GNG7: variants seen among roughly 807,000 people sequenced by gnomAD.
The protein encoded by GNG7 is G protein subunit gamma 7.
A neutral mutation model predicts 4.0 loss-of-function variants in GNG7; 1 was observed. The ratio of observed to expected loss-of-function variants is 0.25; its 90% confidence interval spans 0.09 to 1.18. The LOEUF is 1.18. Among genes scored for constraint, GNG7 ranks in the 50% most tolerant of loss-of-function variants. GNG7 has a pLI of 0.50. For synonymous variants in GNG7, 34 were observed against 36.9 expected, an observed-to-expected ratio of 0.92 and a Z score of 0.29; for missense variants, 86 against 91.9, an observed-to-expected ratio of 0.94 and a Z score of 0.26.
chr19:2,571,501 G>A (rs1034656229), intron 2 of GNG7, among the ~76,000 whole-genome samples: 2 of 151,942 alleles, frequency 1.3e-5, no homozygotes, highest in East Asian at 1.9e-4. Context: ...GATGGGTAGC[G>A]TGCAGGGGTG....
At chr19:2,649,926 G>A (rs1982766088) in intron 1 of GNG7, among the ~76,000 whole-genome samples, 1 of 151,314 alleles carries the variant, frequency 6.6e-6, no homozygotes. Flanking sequence ...GGTCTGTCCT[G>A]GACATTTCAT....
chr19:2,518,483 C>T (rs567166534), intron 4 of GNG7, among the ~76,000 whole-genome samples: 7 of 152,334 alleles, frequency 4.6e-5, no homozygotes, highest in African/African-American at 9.6e-5. Flanking sequence ...GACCCCTCCC[C>T]TACTGGTTGG....
intron 3 of GNG7, among the ~76,000 whole-genome samples, chr19:2,539,895 T>TCCTCCTTCCCTCCCTC (rs1555692012): frequency 0.05 from 6,582 of 132,234 alleles, 224 homozygotes; most frequent in Non-Finnish European, 0.074. Flanking sequence ...CTTCCTTCCT[T>TCCTCCTTCCCTCCCTC]CCTCCTTCCC....
At chr19:2,652,398 T>C (rs1477031877) in intron 1 of GNG7, among the ~76,000 whole-genome samples, 8 of 151,810 alleles carry the variant, frequency 5.3e-5, no homozygotes, top group African/African-American at 1.9e-4. Flanking sequence ...GGCGGGTAAA[T>C]CACCTGAGGT....
At chr19:2,699,115 C>T (rs1360701976) in intron 1 of GNG7, among the ~76,000 whole-genome samples, 2 of 151,560 alleles carry the variant, frequency 1.3e-5, no homozygotes, top group African/African-American at 2.4e-5. Context: ...TGTTCAAAAG[C>T]CACATAAAAG....
chr19:2,651,265 CTT>C, intron 1 of GNG7, among the ~76,000 whole-genome samples: 2 of 128,368 alleles, frequency 1.6e-5, no homozygotes, highest in African/African-American at 3.1e-5. Flanking sequence ...TCCTTCCTTC[CTT>C]CCTTCCCTCC....
chr19:2,610,702 A>G (rs1000184621), intron 2 of GNG7: 1 of 149,500 alleles, frequency 6.7e-6, no homozygotes, highest in Non-Finnish European at 1.5e-5. Context: ...GCTGGTCTCA[A>G]ACTCCTGGGC....
chr19:2,583,983 A>G (rs1980572475), intron 2 of GNG7, among the ~76,000 whole-genome samples: 1 of 152,182 alleles, frequency 6.6e-6, no homozygotes, highest in Non-Finnish European at 1.5e-5. Context: ...TGTGGTGCAT[A>G]TTTTTTAACA....
At chr19:2,625,247 T>G (rs992998403) in intron 2 of GNG7, among the ~76,000 whole-genome samples, 10 of 152,154 alleles carry the variant, frequency 6.6e-5, no homozygotes, top group Non-Finnish European at 1.3e-4. Context: ...TTTTAAAAAT[T>G]TTTTTGTAGA....
rs77433196 is a variant in GNG7, at chr19:2,605,881, G to A, written c.-78+40343C>T. The stretch of plus-strand genomic sequence containing the variant: ...CCTGGAGAACCCAGGATAATCTGCC[G>A]TCTGAAGATCCTTCATGTGATCACT... On this transcript the variant is annotated intron_variant, in intron 2 of 4. Coordinates refer to ENST00000382159, the MANE Select transcript of GNG7 (RefSeq NM_052847.3). 7.3e-3 allele frequency among the ~76,000 whole-genome samples: 1,115 copies of A among 152,164 alleles called. 6 individuals carry two copies. Among genetic ancestry groups the A allele is most frequent in the Non-Finnish European group, 0.012 (808 of 68,018 alleles).
chr19:2,643,302 G>A, intron 2 of GNG7: 1 of 423,404 alleles, frequency 2.4e-6, no homozygotes, highest in Non-Finnish European at 4.7e-6. Context: ...GAAATGCAAA[G>A]TCCGAGACCT....
intron 3 of GNG7, among the ~76,000 whole-genome samples, chr19:2,521,430 TG>T (rs1170216472): frequency 1.3e-5 from 2 of 151,938 alleles, no homozygotes; most frequent in Non-Finnish European, 2.9e-5. Context: ...TCTGTGGCTG[TG>T]GGGGGTGCTC....
intron 1 of GNG7, among the ~76,000 whole-genome samples, chr19:2,667,680 G>A (rs915892773): frequency 4.6e-5 from 7 of 151,980 alleles, no homozygotes; most frequent in South Asian, 4.2e-4. Flanking sequence ...TTTGGGAGGC[G>A]GAGGCAGGCA....
chr19:2,530,949 G>A (rs1415037328), intron 3 of GNG7, among the ~76,000 whole-genome samples: 1 of 152,150 alleles, frequency 6.6e-6, no homozygotes, highest in African/African-American at 2.4e-5. Context: ...GTTTCCTGAG[G>A]AGAGAAGGCT....
In GNG7 at chr19:2,513,226, G is replaced by A. The variant is rs1972680473; in HGVS notation, c.*1796C>T. On this transcript the variant is annotated 3_prime_UTR_variant, in exon 5 of 5. Transcript: ENST00000382159. The stretch of plus-strand genomic sequence containing the variant: ...AGCCAAGCAGGGATCCCCGCCTCAC[G>A]GGCCTGCACGGAGGACCTGGGCGGC... 1.7e-5 allele frequency: 13 copies of A among 763,926 alleles called. No homozygotes were observed. The South Asian group carries it at 2.4e-4, about 14-fold the overall frequency. The allele number at this position is 763,926 out of a possible 1,614,324, so 47.3% of individuals were successfully genotyped here.
rs998741521 is a variant in GNG7 at position 2,546,082 on chromosome 19, C to T, written c.-38+9067G>A. Among the ~76,000 whole-genome samples the T allele has an allele frequency of 6.6e-6, 1 of 152,244 alleles. No homozygotes were observed. The highest frequency in any genetic ancestry group is 2.4e-5 in the African/African-American group (1 of 41,468). ...GATCAGGCGTTGATGTGTCCCCTGG[C>T]AGCTGGGATGCAGGCCCCCCACGGC... On this transcript the variant is annotated intron_variant, in intron 3 of 4. Coordinates refer to ENST00000382159, the MANE Select transcript of GNG7 (RefSeq NM_052847.3). The surrounding 1 kb of genome is among the most constrained non-coding windows in gnomAD (Gnocchi z 6.3).
intron 1 of GNG7, among the ~76,000 whole-genome samples, chr19:2,654,146 A>C (rs1011971361): frequency 1.3e-5 from 2 of 151,320 alleles, no homozygotes; most frequent in Non-Finnish European, 2.9e-5. Flanking sequence ...TTAGGAAGCC[A>C]GGTGGGGGCG....
In GNG7 at chr19:2,657,356, AAAAAAATATATATATATAT is replaced by A. The variant is rs1293356839; in HGVS notation, c.-134-11095_-134-11077del. ...CTCAATTAAAAAAAAAAAAAAAAAA[AAAAAAATATATATATATAT>A]ATATATATATATATATATATATATA... On this transcript the variant is annotated intron_variant, in intron 1 of 4. Transcript: ENST00000382159. Among the ~76,000 whole-genome samples the A allele has an allele frequency of 2.8e-3, 63 of 22,682 alleles. 1 individual carries two copies. Among genetic ancestry groups the A allele is most frequent in the African/African-American group, 6.6e-3 (57 of 8,686 alleles). 14.9% of individuals were successfully genotyped at this position (22,682 alleles called of 152,430 possible). A position where few individuals can be genotyped will look rare whatever the true frequency, so the allele number is the denominator to read the frequency against.
At chr19:2,526,038 T>C (rs989670267) in intron 3 of GNG7, among the ~76,000 whole-genome samples, 18 of 143,426 alleles carry the variant, frequency 1.3e-4, no homozygotes, top group African/African-American at 4.4e-4. Context: ...TGGCGCGATC[T>C]TGGCTCACTG....
Sources: gnomAD v4.1 joint callset for allele counts (sites outside exome capture counted in the v4.1 genomes callset) on GRCh38, gnomAD v4.1.1 for gene constraint, Gnocchi (gnomAD v3.1) non-coding constraint, MANE v1.5 for transcripts, NCBI Gene and HGNC (gene_info 2026-07-23, HGNC 2026-07-21) for gene names.